Variants in JMJD1C observed in about 807,000 individuals in gnomAD.
JMJD1C encodes jumonji domain-containing protein 1C.
JMJD1C carries 31 observed loss-of-function variants against 245.3 expected under a neutral mutation model. That is an observed-to-expected ratio of 0.13 (90% CI 0.09 to 0.17). The LOEUF (loss-of-function observed/expected upper bound fraction) is 0.17. Ranked by LOEUF, JMJD1C falls within the 10% of genes least tolerant of loss-of-function variation. The pLI, the probability that JMJD1C is intolerant of heterozygous loss-of-function variation, is 1.00. For missense variants in JMJD1C, 2,691 were observed against 3,000.2 expected (o/e 0.90, Z 2.41); for synonymous variants, 1,057 against 1,017.4 (o/e 1.04, Z -0.74).
At chr10:63,411,678 C>T (rs1949491897) in intron 1 of JMJD1C, among the ~76,000 whole-genome samples, 1 of 149,626 alleles carries the variant, frequency 6.7e-6, no homozygotes, top group Non-Finnish European at 1.5e-5. Flanking sequence ...CTTTGGCTCA[C>T]TGTAACCTCC....
At chr10:63,303,693 T>C (rs1310274105) in intron 2 of JMJD1C, among the ~76,000 whole-genome samples, 3 of 152,232 alleles carry the variant, frequency 2.0e-5, no homozygotes, top group Non-Finnish European at 4.4e-5. Context: ...TTTCTTGTAC[T>C]GTTATGTCAC....
intron 12 of JMJD1C, 97 bp from the exon 13 acceptor site, chr10:63,197,660 A>G: frequency 8.7e-7 from 1 of 1,143,024 alleles, no homozygotes; most frequent in Non-Finnish European, 1.2e-6. Flanking sequence ...GTAAAGGCAA[A>G]CCAAGAACTT....
intron 1 of JMJD1C, among the ~76,000 whole-genome samples, chr10:63,423,857 T>C (rs374284470): frequency 5.3e-5 from 8 of 152,340 alleles, no homozygotes; most frequent in South Asian, 2.1e-4. Context: ...ATTAGTAAGT[T>C]TGAATCTCAC....
intron 1 of JMJD1C, among the ~76,000 whole-genome samples, chr10:63,411,141 A>G (rs980789602): frequency 1.3e-5 from 2 of 152,174 alleles, no homozygotes; most frequent in Non-Finnish European, 2.9e-5. Context: ...GATTCCAGTT[A>G]TATTAAGTTC....
At position 63,253,205 on chromosome 10, in the gene JMJD1C, G is replaced by A. The variant is rs549176363; in HGVS notation, c.447+11446C>T. ...CAAAACAGTGTGATACTTGCGTAAG[G>A]ACAGATATATAGACCAAGGGACCAG... On this transcript the variant is annotated intron_variant, in intron 3 of 25. Transcript: ENST00000399262. 9.2e-5 allele frequency among the ~76,000 whole-genome samples: 14 copies of A among 152,232 alleles called. No homozygotes were observed. The South Asian group carries it at 2.9e-3, about 32-fold the overall frequency.
intron 18 of JMJD1C, 40 bp from the exon 19 acceptor site, chr10:63,186,423 A>G (rs1844128638): frequency 6.8e-7 from 1 of 1,473,248 alleles, no homozygotes; most frequent in South Asian, 1.3e-5. Flanking sequence ...AAAGATATAT[A>G]GACTTTCTTT....
intron 20 of JMJD1C, 100 bp from the exon 21 acceptor site, chr10:63,184,838 T>G: frequency 3.7e-6 from 4 of 1,092,412 alleles, no homozygotes; most frequent in Non-Finnish European, 5.2e-6. Flanking sequence ...CAGACTACCT[T>G]TCCATAAGAC....
At chr10:63,463,749 T>G (rs1952970733) in intron 1 of JMJD1C, among the ~76,000 whole-genome samples, 1 of 152,178 alleles carries the variant, frequency 6.6e-6, no homozygotes, top group African/African-American at 2.4e-5. Flanking sequence ...AACGCAAAGA[T>G]AGTATCAATT....
intron 3 of JMJD1C, among the ~76,000 whole-genome samples, chr10:63,249,954 T>C (rs764393020): frequency 1.1e-4 from 16 of 152,120 alleles, no homozygotes; most frequent in Non-Finnish European, 2.1e-4. Flanking sequence ...ATTATATAAA[T>C]GTATTAAATT....
intron 1 of JMJD1C, chr10:63,382,682 T>C (rs1947307464): frequency 2.5e-5 from 11 of 433,426 alleles, no homozygotes; most frequent in South Asian, 1.6e-4. Context: ...TCTATGCTCA[T>C]AGGACATTCA....
At chr10:63,235,190 T>C (rs1349445579) in intron 3 of JMJD1C, among the ~76,000 whole-genome samples, 1 of 152,122 alleles carries the variant, frequency 6.6e-6, no homozygotes, top group Non-Finnish European at 1.5e-5. Context: ...ATTTTGCCAA[T>C]ATAAATAGCA....
chr10:63,427,527 A>G, intron 1 of JMJD1C: 1 of 1,360,146 alleles, frequency 7.4e-7, no homozygotes. Context: ...TTCTTCATTC[A>G]GTGTACATCC....
At chr10:63,325,054 T>C (rs1176626824) in intron 2 of JMJD1C, among the ~76,000 whole-genome samples, 1 of 152,170 alleles carries the variant, frequency 6.6e-6, no homozygotes, top group Non-Finnish European at 1.5e-5. Flanking sequence ...AACTCAGATA[T>C]CTGATTTTGT....
chr10:63,415,593 G>C (rs1014315724), intron 1 of JMJD1C, among the ~76,000 whole-genome samples: 1 of 151,990 alleles, frequency 6.6e-6, no homozygotes, highest in Non-Finnish European at 1.5e-5. Context: ...TTTTATTTTT[G>C]TAAGGTGATA....
intron 2 of JMJD1C, among the ~76,000 whole-genome samples, chr10:63,347,085 T>C (rs1178482499): frequency 6.7e-6 from 1 of 149,676 alleles, no homozygotes; most frequent in East Asian, 2.0e-4. Flanking sequence ...TTTTTTTTTT[T>C]TTTGAGACAG....
chr10:63,299,001 G>A (rs1013578198), intron 2 of JMJD1C, among the ~76,000 whole-genome samples: 2 of 152,014 alleles, frequency 1.3e-5, no homozygotes, highest in African/African-American at 4.8e-5. Context: ...AAAGTGCTGG[G>A]ATTACAGGCA....
At chr10:63,455,179 A>T (rs1347434045) in intron 1 of JMJD1C, among the ~76,000 whole-genome samples, 1 of 152,210 alleles carries the variant, frequency 6.6e-6, no homozygotes, top group Admixed American at 6.5e-5. Flanking sequence ...TGGGAGTGAG[A>T]TTATTCAAAA....
chr10:63,305,594 GTAGCTGGGAC>G (rs1168338529), intron 2 of JMJD1C, among the ~76,000 whole-genome samples: 84 of 145,114 alleles, frequency 5.8e-4, no homozygotes, highest in African/African-American at 1.7e-3. Context: ...CAGCCCCCAA[GTAGCTGGGAC>G]TACGGGCAAG....
chr10:63,450,288 G>A (rs1028851311), intron 1 of JMJD1C, among the ~76,000 whole-genome samples: 4 of 151,992 alleles, frequency 2.6e-5, no homozygotes, highest in Non-Finnish European at 4.4e-5. Flanking sequence ...TTGGAAGGCT[G>A]TGGCAGGAGG....
Sources: allele counts gnomAD v4.1 joint callset (sites outside exome capture counted in the v4.1 genomes callset), GRCh38; gene constraint gnomAD v4.1.1; transcripts MANE v1.5; gene names NCBI Gene and HGNC (gene_info 2026-07-23, HGNC 2026-07-21).